CRTC3: variants seen among roughly 807,000 people sequenced by gnomAD.
CRTC3 encodes the protein CREB regulated transcription coactivator 3.
Under a neutral mutation model 74.5 loss-of-function variants are expected in CRTC3, and 26 were observed. The observed-to-expected ratio is 0.35, with a 90% CI of 0.26 to 0.48. The LOEUF is 0.48. Ranked by LOEUF, CRTC3 falls within the 20% of genes least tolerant of loss-of-function variation. The pLI is 0.99. For synonymous variants in CRTC3, 377 were observed against 325.8 expected, an observed-to-expected ratio of 1.16 and a Z score of -1.69; for missense variants, 760 against 787.3, an observed-to-expected ratio of 0.97 and a Z score of 0.41.
At chr15:90,577,146 G>A (rs539355074) in intron 2 of CRTC3, among the ~76,000 whole-genome samples, 4 of 152,130 alleles carry the variant, frequency 2.6e-5, no homozygotes, top group Non-Finnish European at 4.4e-5. Context: ...ACATCCCAGC[G>A]GCAGTTAATC....
intron 2 of CRTC3, among the ~76,000 whole-genome samples, chr15:90,545,646 G>A (rs1388911942): frequency 1.9e-4 from 28 of 150,812 alleles, no homozygotes; most frequent in Admixed American, 1.7e-3. Context: ...GCACGATCTC[G>A]GCTCACTGCA....
chr15:90,540,072 A>T lies in CRTC3; in HGVS notation c.166A>T (p.Thr56Ser). Residue 56 changes from threonine (T) to serine (S), a missense_variant, in exon 2 of 15, where the codon ACA becomes TCA. By Grantham distance (58) the Thr-to-Ser change is moderately conservative. Coordinates refer to ENST00000268184, the MANE Select transcript of CRTC3 (RefSeq NM_022769.5). ...QFQKLQQLRL[T>S]QYHGGSLPNV... ...TCAGAAGCTTCAGCAACTGCGCCTT[A>T]CACAGTACCATGGAGGATCCTTACC... 1 of 1,613,654 alleles carries T rather than the reference A, an allele frequency of 6.2e-7. No homozygotes were observed. The highest frequency in any genetic ancestry group is 8.5e-7 in the Non-Finnish European group (1 of 1,179,848).
chr15:90,622,079 A>G (rs7182084), intron 9 of CRTC3, among the ~76,000 whole-genome samples: 3,213 of 152,252 alleles, frequency 0.021, 122 homozygotes, highest in African/African-American at 0.073. Context: ...GAAGCGACGC[A>G]GAGAGGGCTC....
chr15:90,574,708 G>T (rs1967362426), intron 2 of CRTC3, among the ~76,000 whole-genome samples: 1 of 152,074 alleles, frequency 6.6e-6, no homozygotes. Flanking sequence ...CCCCAACTCA[G>T]TGTTTTGTCA....
intron 2 of CRTC3, among the ~76,000 whole-genome samples, chr15:90,573,887 C>T (rs1267422917): frequency 1.3e-5 from 2 of 152,180 alleles, no homozygotes; most frequent in African/African-American, 4.8e-5. Flanking sequence ...TTTATTTATT[C>T]CTTCAGGAAT....
intron 11 of CRTC3, among the ~76,000 whole-genome samples, chr15:90,632,529 C>G (rs185932216): frequency 8.5e-5 from 13 of 152,330 alleles, no homozygotes; most frequent in African/African-American, 1.7e-4. Flanking sequence ...AAACAGCTGT[C>G]TTTCCCTCTC....
intron 2 of CRTC3, among the ~76,000 whole-genome samples, chr15:90,568,879 C>T (rs1222539761): frequency 6.6e-6 from 1 of 152,064 alleles, no homozygotes; most frequent in Non-Finnish European, 1.5e-5. Context: ...TCAAATGATC[C>T]TTAGCATTTT....
At chr15:90,619,909 C>A in intron 9 of CRTC3, 119 bp downstream of exon 9, 1 of 785,150 alleles carries the variant, frequency 1.3e-6, no homozygotes, top group Non-Finnish European at 2.1e-6. Context: ...AATTGAAAGT[C>A]AACTGCATTT....
intron 11 of CRTC3, among the ~76,000 whole-genome samples, chr15:90,631,782 A>G (rs771926527): frequency 7.2e-5 from 11 of 151,812 alleles, no homozygotes; most frequent in Non-Finnish European, 1.5e-4. Flanking sequence ...GGGTCTCCCT[A>G]TGTTTTCCAG....
At chr15:90,540,575 C>G (rs970580700) in intron 2 of CRTC3, among the ~76,000 whole-genome samples, 8 of 152,070 alleles carry the variant, frequency 5.3e-5, no homozygotes, top group African/African-American at 1.9e-4. Flanking sequence ...GAGTTCGAGA[C>G]CAGCCCGGTC....
At chr15:90,586,583 G>C (rs1967670224) in intron 2 of CRTC3, among the ~76,000 whole-genome samples, 1 of 151,878 alleles carries the variant, frequency 6.6e-6, no homozygotes, top group African/African-American at 2.4e-5. Context: ...GGCTGGTCTT[G>C]AACTCCTGAC....
intron 2 of CRTC3, among the ~76,000 whole-genome samples, chr15:90,557,629 G>A (rs912738366): frequency 3.3e-5 from 5 of 152,146 alleles, no homozygotes; most frequent in Admixed American, 2.0e-4. Context: ...ATATGGTGGA[G>A]TACAGACAGA....
chr15:90,631,515 G>T (rs1969037192), intron 11 of CRTC3, among the ~76,000 whole-genome samples: 1 of 151,986 alleles, frequency 6.6e-6, no homozygotes, highest in South Asian at 2.1e-4. Flanking sequence ...ATCACTTGAG[G>T]GTAGGAGTTT....
intron 11 of CRTC3, among the ~76,000 whole-genome samples, chr15:90,634,557 T>C (rs993114856): frequency 6.6e-6 from 1 of 152,230 alleles, no homozygotes; most frequent in Non-Finnish European, 1.5e-5. Flanking sequence ...GCACACATCT[T>C]TCCAAGATTG....
intron 13 of CRTC3, among the ~76,000 whole-genome samples, chr15:90,639,300 G>A (rs745607246): frequency 2.0e-5 from 3 of 151,932 alleles, no homozygotes; most frequent in Non-Finnish European, 4.4e-5. Context: ...TTTTCAACTC[G>A]GCCACTTTCT....
intron 7 of CRTC3, among the ~76,000 whole-genome samples, chr15:90,615,735 T>C (rs1013200073): frequency 2.6e-5 from 4 of 152,242 alleles, no homozygotes; most frequent in African/African-American, 9.6e-5. Context: ...CATGTTCTTA[T>C]AACCAACCTC....
chr15:90,642,229 G>T lies in CRTC3; in HGVS notation c.*89G>T. On this transcript the variant is annotated 3_prime_UTR_variant, in exon 15 of 15. Coordinates refer to ENST00000268184, the MANE Select transcript of CRTC3 (RefSeq NM_022769.5). ...AAGCCAGCTGATACCACGGGCTTTCGTTATCTTGACATAGAAGGAAGCAAT... is the reference window on the plus strand; with the variant it reads ...AAGCCAGCTGATACCACGGGCTTTCTTTATCTTGACATAGAAGGAAGCAAT... 9.0e-7 allele frequency: 1 copy of T among 1,115,094 alleles called. No individual in the cohort carries two copies. Among genetic ancestry groups the T allele is most frequent in the Non-Finnish European group, 1.3e-6 (1 of 757,002 alleles). The allele number at this position is 1,115,094 out of a possible 1,614,324, so 69.1% of individuals were successfully genotyped here.
chr15:90,538,660 A>T (rs189549035), intron 1 of CRTC3, among the ~76,000 whole-genome samples: 67 of 152,264 alleles, frequency 4.4e-4, no homozygotes, highest in African/African-American at 1.6e-3. Context: ...GGGTTTCATT[A>T]TACTTGTCTT....
intron 9 of CRTC3, among the ~76,000 whole-genome samples, chr15:90,625,267 G>A (rs777412650): frequency 2.2e-4 from 33 of 152,354 alleles, no homozygotes; most frequent in African/African-American, 7.2e-4. Context: ...CATGCGGCCC[G>A]CTGCCTGGCA....
Sources: allele counts gnomAD v4.1 joint callset (sites outside exome capture counted in the v4.1 genomes callset), GRCh38; gene constraint gnomAD v4.1.1; transcripts MANE v1.5; gene names NCBI Gene and HGNC (gene_info 2026-07-23, HGNC 2026-07-21).